SLC25A28: variants seen among roughly 807,000 people sequenced by gnomAD.
SLC25A28 encodes the protein solute carrier family 25 member 28.
Under a neutral mutation model 31.9 loss-of-function variants are expected in SLC25A28, and 10 were observed. The observed-to-expected ratio is 0.31, with a 90% CI of 0.19 to 0.53. The LOEUF (loss-of-function observed/expected upper bound fraction) is 0.53. Ranked by LOEUF, SLC25A28 falls within the 20% of genes least tolerant of loss-of-function variation. The pLI, the probability that SLC25A28 is intolerant of heterozygous loss-of-function variation, is 0.95. For synonymous variants in SLC25A28, 208 were observed against 203.6 expected, an observed-to-expected ratio of 1.02 and a Z score of -0.19; for missense variants, 256 against 490.3, an observed-to-expected ratio of 0.52 and a Z score of 4.51.
At chr10:99,616,547 C>A in intron 1 of SLC25A28, 1 of 985,282 alleles carries the variant, frequency 1.0e-6, no homozygotes, top group Non-Finnish European at 1.2e-6. Flanking sequence ...AACTAACTGT[C>A]CTTAGCCACC....
At chr10:99,622,876 C>G (rs1038346437), upstream of SLC25A28, among the ~76,000 whole-genome samples, 4 of 152,106 alleles carry the variant, frequency 2.6e-5, no homozygotes, top group African/African-American at 7.2e-5. Flanking sequence ...TTATTGTGTA[C>G]CAACTGTGTA....
chr10:99,628,725 G>A, the SLC25A28 span, among the ~76,000 whole-genome samples: 1 of 152,174 alleles, frequency 6.6e-6, no homozygotes, highest in Non-Finnish European at 1.5e-5. Context: ...GGAGGCTGAG[G>A]CAGAAGAATC....
chr10:99,645,475 G>C, the SLC25A28 span, among the ~76,000 whole-genome samples: 5 of 152,044 alleles, frequency 3.3e-5, no homozygotes, highest in African/African-American at 1.2e-4. Context: ...CAAGGTTTTT[G>C]GCTACTTTGC....
the SLC25A28 span, among the ~76,000 whole-genome samples, chr10:99,625,705 A>G: frequency 6.6e-6 from 1 of 152,166 alleles, no homozygotes; most frequent in Non-Finnish European, 1.5e-5. Context: ...ACTAAGTTCT[A>G]GTTAGTGGGA....
Sources: gnomAD v4.1 joint callset for allele counts (sites outside exome capture counted in the v4.1 genomes callset) on GRCh38, gnomAD v4.1.1 for gene constraint, MANE v1.5 for transcripts, NCBI Gene and HGNC (gene_info 2026-07-23, HGNC 2026-07-21) for gene names.